Variants in ZBTB20 observed in about 807,000 individuals in gnomAD.
The protein encoded by ZBTB20 is zinc finger and BTB domain-containing protein 20.
A neutral mutation model predicts 56.9 loss-of-function variants in ZBTB20; 9 were observed. The ratio of observed to expected loss-of-function variants is 0.16; its 90% CI spans 0.10 to 0.28. The LOEUF (loss-of-function observed/expected upper bound fraction) is 0.28, where lower values mean the gene tolerates loss of function less well. ZBTB20 is among the 10% of genes least tolerant of loss of function. The pLI is 1.00. For missense variants in ZBTB20, 655 were observed against 1,003.0 expected, an observed-to-expected ratio of 0.65 and a Z score of 4.69; for synonymous variants, 417 against 420.7, an observed-to-expected ratio of 0.99 and a Z score of 0.11.
chr3:114,539,113 A>C (rs533706716), intron 6 of ZBTB20, among the ~76,000 whole-genome samples: 1 of 152,140 alleles, frequency 6.6e-6, no homozygotes, highest in Non-Finnish European at 1.5e-5. Flanking sequence ...TGTCATCTTT[A>C]GTGTATAAGT....
In ZBTB20 at chr3:114,504,190, T is replaced by C. The variant is rs79361812; in HGVS notation, c.-294-3799A>G. On this transcript the variant is annotated intron_variant, in intron 6 of 11. Coordinates refer to ENST00000675478, the MANE Select transcript of ZBTB20 (RefSeq NM_001348800.3). ...AGCCACACAGGCTTCTTTGAAGGCC[T>C]GCCAGACTCCTACCTTCCTAGTCCT... Among the ~76,000 whole-genome samples the C allele has an allele frequency of 8.6e-3, 1,316 of 152,296 alleles. 17 individuals carry two copies. The highest frequency in any genetic ancestry group is 0.03 in the African/African-American group (1,242 of 41,554).
At chr3:114,709,173 CCT>C (rs1262868249) in intron 5 of ZBTB20, among the ~76,000 whole-genome samples, 2 of 152,162 alleles carry the variant, frequency 1.3e-5, no homozygotes, top group African/African-American at 4.8e-5. Flanking sequence ...CTCTTTAAGT[CCT>C]ATATTTTGCT....
At chr3:114,521,219 T>C (rs1242059786) in intron 6 of ZBTB20, among the ~76,000 whole-genome samples, 1 of 152,144 alleles carries the variant, frequency 6.6e-6, no homozygotes, top group African/African-American at 2.4e-5. Context: ...CCTCAAACTA[T>C]TTCAACTGTC....
chr3:114,411,664 A>T (rs890017091), intron 7 of ZBTB20, among the ~76,000 whole-genome samples: 1 of 152,148 alleles, frequency 6.6e-6, no homozygotes, highest in Non-Finnish European at 1.5e-5. Context: ...TTTACCCATT[A>T]TCTACCCTGC....
At chr3:115,138,693 G>A (rs2084722781) in intron 1 of ZBTB20, among the ~76,000 whole-genome samples, 1 of 152,006 alleles carries the variant, frequency 6.6e-6, no homozygotes, top group African/African-American at 2.4e-5. Context: ...GGATAATAAA[G>A]GTACCTGTCT....
At chr3:114,807,527 T>G (rs572490427) in intron 4 of ZBTB20, among the ~76,000 whole-genome samples, 1 of 151,612 alleles carries the variant, frequency 6.6e-6, no homozygotes, top group East Asian at 1.9e-4. Flanking sequence ...CTGGATTGAA[T>G]CTCCTGTACA....
intron 3 of ZBTB20, among the ~76,000 whole-genome samples, chr3:114,955,806 G>C (rs1421859532): frequency 6.6e-6 from 1 of 152,092 alleles, no homozygotes; most frequent in Non-Finnish European, 1.5e-5. Flanking sequence ...TGGAGGTGGG[G>C]GGTGTACTTT....
At chr3:114,834,134 C>T (rs1320436877) in intron 4 of ZBTB20, among the ~76,000 whole-genome samples, 1 of 152,126 alleles carries the variant, frequency 6.6e-6, no homozygotes, top group Non-Finnish European at 1.5e-5. Flanking sequence ...TGCTATGAAG[C>T]AGTTTGGTAA....
At chr3:114,571,556 A>T (rs575675705) in intron 6 of ZBTB20, among the ~76,000 whole-genome samples, 1 of 152,284 alleles carries the variant, frequency 6.6e-6, no homozygotes, top group South Asian at 2.1e-4. Context: ...ACAAAGCCAC[A>T]GAGTGGAAGC....
At chr3:114,395,592 C>T (rs1049249732) in intron 7 of ZBTB20, among the ~76,000 whole-genome samples, 2 of 152,182 alleles carry the variant, frequency 1.3e-5, no homozygotes, top group African/African-American at 2.4e-5. Context: ...CCCCACCTCT[C>T]TGGAAAGTGG....
At chr3:114,891,450 T>A (rs1377994523) in intron 4 of ZBTB20, among the ~76,000 whole-genome samples, 1 of 152,212 alleles carries the variant, frequency 6.6e-6, no homozygotes, top group African/African-American at 2.4e-5. Flanking sequence ...CAGCATGTAG[T>A]CATGCCTTGA....
At chr3:114,436,632 A>G (rs1476006682) in intron 7 of ZBTB20, among the ~76,000 whole-genome samples, 1 of 152,202 alleles carries the variant, frequency 6.6e-6, no homozygotes, top group Non-Finnish European at 1.5e-5. Context: ...ATATTGTGTT[A>G]TATTTTCGTA....
chr3:114,432,269 G>T (rs1243885334), intron 7 of ZBTB20, among the ~76,000 whole-genome samples: 1 of 151,900 alleles, frequency 6.6e-6, no homozygotes, highest in East Asian at 1.9e-4. Context: ...AGGACACCAA[G>T]AGTTCAAAAA....
intron 6 of ZBTB20, among the ~76,000 whole-genome samples, chr3:114,565,914 G>C (rs1190278883): frequency 6.6e-6 from 1 of 151,906 alleles, no homozygotes; most frequent in African/African-American, 2.4e-5. Flanking sequence ...GCTCTTACAG[G>C]GAGCAAATGG....
At chr3:115,087,209 C>T (rs375840996) in intron 1 of ZBTB20, among the ~76,000 whole-genome samples, 1 of 151,796 alleles carries the variant, frequency 6.6e-6, no homozygotes, top group Admixed American at 6.6e-5. Flanking sequence ...ATTTCAAATA[C>T]CTCAGATTAA....
At chr3:114,946,788 C>A (rs1015927685) in intron 3 of ZBTB20, among the ~76,000 whole-genome samples, 2 of 145,178 alleles carry the variant, frequency 1.4e-5, no homozygotes, top group African/African-American at 5.6e-5. Context: ...GCACAAGAAA[C>A]CAAAACAAAA....
chr3:114,637,987 TC>T (rs2059366187), intron 6 of ZBTB20, among the ~76,000 whole-genome samples: 2 of 152,070 alleles, frequency 1.3e-5, no homozygotes, highest in African/African-American at 4.8e-5. Context: ...CAAACTTCAT[TC>T]CCTCATTCTT....
chr3:114,680,423 TA>T (rs2061900291), intron 6 of ZBTB20, among the ~76,000 whole-genome samples: 1 of 152,338 alleles, frequency 6.6e-6, no homozygotes, highest in East Asian at 1.9e-4. Context: ...TTCTAGAATC[TA>T]AACAGTTAAC....
intron 7 of ZBTB20, among the ~76,000 whole-genome samples, chr3:114,487,744 T>G (rs963088178): frequency 1.3e-5 from 2 of 152,226 alleles, no homozygotes; most frequent in Non-Finnish European, 2.9e-5. Flanking sequence ...GTGTGGTATT[T>G]CCAATTCTCT....
Sources: allele counts gnomAD v4.1 joint callset (sites outside exome capture counted in the v4.1 genomes callset), GRCh38; gene constraint gnomAD v4.1.1; transcripts MANE v1.5; gene names NCBI Gene and HGNC (gene_info 2026-07-23, HGNC 2026-07-21).